Variants in RYR2 observed in about 807,000 individuals in gnomAD.
RYR2 encodes cardiac muscle ryanodine receptor-calcium release channel.
A neutral mutation model predicts 601.1 loss-of-function variants in RYR2; 227 were observed. That is an observed-to-expected ratio of 0.38 (90% CI 0.34 to 0.42). RYR2 has a LOEUF of 0.42. Among genes scored for constraint, RYR2 ranks in the 10% least tolerant of loss-of-function variants. The pLI is 1.00. For missense variants in RYR2, 4,646 were observed against 6,156.5 expected (o/e 0.75, Z 8.21); for synonymous variants, 2,223 against 2,175.1 (o/e 1.02, Z -0.61).
At chr1:237,747,510 T>G (rs1692183184) in intron 80 of RYR2, among the ~76,000 whole-genome samples, 2 of 152,158 alleles carry the variant, frequency 1.3e-5, no homozygotes, top group African/African-American at 4.8e-5. Context: ...AAGAACCAAT[T>G]TAGGTCCAAA....
At chr1:237,431,197 G>T (rs769982419) in intron 12 of RYR2, among the ~76,000 whole-genome samples, 2 of 152,128 alleles carry the variant, frequency 1.3e-5, no homozygotes, top group Non-Finnish European at 2.9e-5. Context: ...TTTAATCACA[G>T]TATATTTTTA....
intron 2 of RYR2, among the ~76,000 whole-genome samples, chr1:237,288,485 G>A (rs1691815620): frequency 6.6e-6 from 1 of 151,910 alleles, no homozygotes; most frequent in South Asian, 2.1e-4. Flanking sequence ...GGGTCCTGCT[G>A]CAGCTGCTCT....
chr1:237,599,649 C>A (rs539414696), intron 34 of RYR2, among the ~76,000 whole-genome samples: 1 of 151,880 alleles, frequency 6.6e-6, no homozygotes, highest in South Asian at 2.1e-4. Flanking sequence ...GGTGAAACCT[C>A]GTCTCTACTA....
chr1:237,754,719 G>C (rs1328039382), intron 80 of RYR2, among the ~76,000 whole-genome samples: 1 of 152,234 alleles, frequency 6.6e-6, no homozygotes, highest in Non-Finnish European at 1.5e-5. Context: ...GGTCTAAAAG[G>C]AAGAATCAGA....
At chr1:237,541,163 G>A (rs1669220036) in intron 25 of RYR2, among the ~76,000 whole-genome samples, 2 of 152,192 alleles carry the variant, frequency 1.3e-5, no homozygotes, top group African/African-American at 4.8e-5. Flanking sequence ...CTTTTTGTGT[G>A]TAGTGGGTAA....
At chr1:237,046,346 T>C (rs1368835709) in intron 1 of RYR2, among the ~76,000 whole-genome samples, 4 of 152,214 alleles carry the variant, frequency 2.6e-5, no homozygotes. Context: ...AAGGCTTCTT[T>C]ATCTGCTGTT....
intron 10 of RYR2, among the ~76,000 whole-genome samples, chr1:237,411,842 G>C (rs1431820145): frequency 2.0e-5 from 3 of 152,158 alleles, no homozygotes; most frequent in Non-Finnish European, 4.4e-5. Context: ...TGATGTCATT[G>C]GTTGACAGAG....
At chr1:237,184,576 C>G (rs2148967686) in intron 1 of RYR2, among the ~76,000 whole-genome samples, 1 of 152,164 alleles carries the variant, frequency 6.6e-6, no homozygotes, top group East Asian at 1.9e-4. Flanking sequence ...AGTAAATAGT[C>G]TTTGACAAAA....
Position 237,473,423 on chromosome 1 carries a change from C to CCCTT in RYR2, c.1708+4236_1708+4237insCCTT, listed in dbSNP as rs1558878090. On this transcript the variant is annotated intron_variant, in intron 17 of 104. Coordinates refer to ENST00000366574, the MANE Select transcript of RYR2 (RefSeq NM_001035.3). ...TGGGCGACAGAACGAGACTCCATCT[C>CCCTT]TCTCTCTCTCTTTCTTTCTTTCTTT... Among the ~76,000 whole-genome samples the CCCTT allele has an allele frequency of 5.2e-5, 6 of 115,108 alleles. 1 individual carries two copies. The highest frequency in any genetic ancestry group is 8.9e-5 in the Non-Finnish European group (5 of 55,982). The allele number at this position is 115,108 out of a possible 152,430, so 75.5% of individuals were successfully genotyped here. A position where few individuals can be genotyped will look rare whatever the true frequency, so the allele number is the denominator to read the frequency against.
At chr1:237,697,485 A>ATT in intron 63 of RYR2, among the ~76,000 whole-genome samples, 1 of 144,606 alleles carries the variant, frequency 6.9e-6, no homozygotes, top group South Asian at 2.1e-4. Flanking sequence ...TATTTATAGA[A>ATT]ATATATATTA....
chr1:237,768,052 T>C (rs1693976050), intron 84 of RYR2, among the ~76,000 whole-genome samples: 1 of 152,224 alleles, frequency 6.6e-6, no homozygotes, highest in South Asian at 2.1e-4. Context: ...TCACCAATTG[T>C]AGGTAGAATA....
chr1:237,173,771 T>C (rs915822599), intron 1 of RYR2, among the ~76,000 whole-genome samples: 15 of 151,984 alleles, frequency 9.9e-5, no homozygotes, highest in Non-Finnish European at 1.9e-4. Context: ...AGATTAAGAG[T>C]GTTGGCCGGG....
intron 24 of RYR2, among the ~76,000 whole-genome samples, chr1:237,521,480 G>A (rs1260380064): frequency 6.6e-6 from 1 of 152,102 alleles, no homozygotes; most frequent in African/African-American, 2.4e-5. Context: ...AGCACTTTGG[G>A]AGGCCAAGGC....
intron 87 of RYR2, 139 bp from the exon 88 acceptor site, chr1:237,778,527 T>G: frequency 6.6e-6 from 3 of 457,668 alleles, no homozygotes; most frequent in Admixed American, 7.5e-5. Context: ...CTTCTTTCAC[T>G]TTGAGTTCCT....
At chr1:237,361,877 T>C (rs1243918222) in intron 4 of RYR2, among the ~76,000 whole-genome samples, 1 of 152,208 alleles carries the variant, frequency 6.6e-6, no homozygotes, top group African/African-American at 2.4e-5. Flanking sequence ...AGTAAAGTAT[T>C]GCTATTTGAT....
intron 2 of RYR2, among the ~76,000 whole-genome samples, chr1:237,321,499 G>A (rs1022305922): frequency 6.6e-6 from 1 of 152,206 alleles, no homozygotes; most frequent in Non-Finnish European, 1.5e-5. Context: ...ACTTAGGAAA[G>A]TGGGCCAAGG....
rs181666132 is a variant in RYR2, at chr1:237,216,513, G to A, written c.49-53984G>A. On this transcript the variant is annotated intron_variant, in intron 1 of 104. Transcript: ENST00000366574. ...AGCACTTTGAGAGGCTGAGGCAGGC[G>A]GAGCACCTGATGTCAGGAGTTTGAG... Among the ~76,000 whole-genome samples the A allele has an allele frequency of 9.5e-4, 144 of 152,094 alleles. 1 individual carries two copies. Among genetic ancestry groups the A allele is most frequent in the East Asian group, 5.2e-3 (27 of 5,170 alleles).
At chr1:237,455,549 C>T (rs1658706341) in intron 15 of RYR2, among the ~76,000 whole-genome samples, 1 of 152,078 alleles carries the variant, frequency 6.6e-6, no homozygotes, top group Admixed American at 6.6e-5. Flanking sequence ...CAAACCTGCA[C>T]ATGTAACCCC....
chr1:237,795,832 G>GTA (rs1659843805), intron 96 of RYR2, among the ~76,000 whole-genome samples: 1 of 47,598 alleles, frequency 2.1e-5, no homozygotes, highest in African/African-American at 9.0e-5. Flanking sequence ...GTATGTGTGT[G>GTA]TGTGTATATA....
Sources: gnomAD v4.1 joint callset for allele counts (sites outside exome capture counted in the v4.1 genomes callset) on GRCh38, gnomAD v4.1.1 for gene constraint, MANE v1.5 for transcripts, NCBI Gene and HGNC (gene_info 2026-07-23, HGNC 2026-07-21) for gene names.